Variants in NEMP2 observed in about 807,000 individuals in gnomAD.
The protein encoded by NEMP2 is nuclear envelope integral membrane protein 2.
NEMP2 carries 53 observed loss-of-function variants against 54.2 expected under a neutral mutation model. The observed-to-expected ratio is 0.98, with a 90% CI of 0.78 to 1.23. The LOEUF (loss-of-function observed/expected upper bound fraction) is 1.23, where lower values mean the gene tolerates loss of function less well. Ranked by LOEUF, NEMP2 falls within the 50% of genes most tolerant of loss-of-function variation. NEMP2 has a pLI of 0.00. For synonymous variants in NEMP2, 197 were observed against 190.3 expected, an observed-to-expected ratio of 1.04 and a Z score of -0.29; for missense variants, 455 against 511.3, an observed-to-expected ratio of 0.89 and a Z score of 1.06.
In NEMP2 at chr2:190,512,825, G is replaced by T. The variant is rs1384948770; in HGVS notation, c.953+1628C>A. ...CAGTCAGCATCAACCCTCCAACCCTGCCCTGCTGCCTTTCAGCCCCGCCAG... is the reference window on the plus strand; with the variant it reads ...CAGTCAGCATCAACCCTCCAACCCTTCCCTGCTGCCTTTCAGCCCCGCCAG... On this transcript the variant is annotated intron_variant, in intron 7 of 8. Coordinates refer to ENST00000409150, the MANE Select transcript of NEMP2 (RefSeq NM_001142645.2). The surrounding 1 kb of genome is among the most constrained non-coding windows in gnomAD (Gnocchi z 4.5). Among the ~76,000 whole-genome samples, 1 of 152,182 alleles carries T rather than the reference G, an allele frequency of 6.6e-6. No homozygotes were observed. Among genetic ancestry groups the T allele is most frequent in the Non-Finnish European group, 1.5e-5 (1 of 68,040 alleles).
chr2:190,620,553 AT>A, the NEMP2 span: 1 of 152,352 alleles, frequency 6.6e-6, no homozygotes, highest in Admixed American at 6.5e-5. This position sits in a 1 kb window ranked among gnomAD's most constrained non-coding sequence, Gnocchi z 4.9. Context: ...TTCAGATCTC[AT>A]TTGTTTTAAC....
At chr2:190,457,837 C>T in the NEMP2 span, among the ~76,000 whole-genome samples, 1 of 152,162 alleles carries the variant, frequency 6.6e-6, no homozygotes, top group East Asian at 1.9e-4. This position sits in a 1 kb window ranked among gnomAD's most constrained non-coding sequence, Gnocchi z 5.1. Flanking sequence ...CCTTGGCCAG[C>T]GTGCAGCATA....
the NEMP2 span, among the ~76,000 whole-genome samples, chr2:190,639,067 C>T: frequency 6.6e-6 from 1 of 152,154 alleles, no homozygotes; most frequent in African/African-American, 2.4e-5. Context: ...TAAAGAGATA[C>T]ATGCTTGAAT....
chr2:190,467,255 T>C, the NEMP2 span, among the ~76,000 whole-genome samples: 1 of 152,168 alleles, frequency 6.6e-6, no homozygotes, highest in Non-Finnish European at 1.5e-5. The surrounding 1 kb of genome is among the most constrained non-coding windows in gnomAD (Gnocchi z 5.5). Flanking sequence ...GAGATCTTTA[T>C]TGAGATAGGT....
chr2:190,448,219 T>C, the NEMP2 span, among the ~76,000 whole-genome samples: 1 of 152,204 alleles, frequency 6.6e-6, no homozygotes, highest in Non-Finnish European at 1.5e-5. Flanking sequence ...TTCCATTACC[T>C]AGACAACCAC....
At chr2:190,455,934 CTTTTTTTTT>C in the NEMP2 span, among the ~76,000 whole-genome samples, 1 of 65,370 alleles carries the variant, frequency 1.5e-5, no homozygotes, top group Non-Finnish European at 2.5e-5. Flanking sequence ...ATTTACTCTG[CTTTTTTTTT>C]TTTTTTTTTT....
rs370064053 is a variant in NEMP2 at position 190,517,681 on chromosome 2, A to C, written c.519-68T>G. 7 of 1,073,298 alleles carry C rather than the reference A, an allele frequency of 6.5e-6. No homozygotes were observed. In the African/African-American group the frequency reaches 8.0e-5, roughly 12 times the overall value. The allele number at this position is 1,073,298 out of a possible 1,614,324, so 66.5% of individuals were successfully genotyped here. Reference sequence around the variant, plus strand: ...CACTTTGAGTATGAAAAACATGTTTAACCTGGCAACATCAGTCATAAATAA... The same window carrying C: ...CACTTTGAGTATGAAAAACATGTTTCACCTGGCAACATCAGTCATAAATAA... On this transcript the variant is annotated intron_variant, in intron 4 of 8. Coordinates refer to ENST00000409150, the MANE Select transcript of NEMP2 (RefSeq NM_001142645.2).
At chr2:190,602,496 A>G in the NEMP2 span, among the ~76,000 whole-genome samples, 22 of 152,214 alleles carry the variant, frequency 1.4e-4, no homozygotes, top group Non-Finnish European at 2.1e-4. Flanking sequence ...TACCTTCGCA[A>G]TAACATCTAG....
chr2:190,572,872 T>A, the NEMP2 span, among the ~76,000 whole-genome samples: 1 of 135,238 alleles, frequency 7.4e-6, no homozygotes, highest in Non-Finnish European at 1.6e-5. Context: ...TATATATATA[T>A]ATATGTATAT....
the NEMP2 span, among the ~76,000 whole-genome samples, chr2:190,474,255 C>CA: frequency 1.3e-5 from 2 of 151,922 alleles, no homozygotes; most frequent in African/African-American, 4.8e-5. Context: ...AAAAACCCTT[C>CA]AAAAAATCAA....
At chr2:190,437,625 C>T in the NEMP2 span, 5 of 1,506,548 alleles carry the variant, frequency 3.3e-6, no homozygotes, top group Non-Finnish European at 4.5e-6. This position sits in a 1 kb window ranked among gnomAD's most constrained non-coding sequence, Gnocchi z 5.9. Flanking sequence ...TGGTTTATAG[C>T]TCCTTCTACT....
chr2:190,633,701 CAT>C, the NEMP2 span, among the ~76,000 whole-genome samples: 6 of 152,220 alleles, frequency 3.9e-5, no homozygotes, highest in Admixed American at 6.5e-5. Flanking sequence ...TTAAAAAACA[CAT>C]GTGTGTACCT....
At chr2:190,479,147 A>C in the NEMP2 span, among the ~76,000 whole-genome samples, 1 of 152,184 alleles carries the variant, frequency 6.6e-6, no homozygotes, top group East Asian at 1.9e-4. Flanking sequence ...TATAGGAAGG[A>C]GGCTATTCAA....
the NEMP2 span, among the ~76,000 whole-genome samples, chr2:190,592,780 G>C: frequency 0.26 from 40,110 of 152,048 alleles, 5,912 homozygotes; most frequent in African/African-American, 0.38. The surrounding 1 kb of genome is among the most constrained non-coding windows in gnomAD (Gnocchi z 4.4). Flanking sequence ...AATACAGATG[G>C]AGCAATAAAG....
chr2:190,432,870 A>G, the NEMP2 span, among the ~76,000 whole-genome samples: 1 of 137,038 alleles, frequency 7.3e-6, no homozygotes, highest in East Asian at 2.1e-4. Flanking sequence ...TCACTCACTT[A>G]CTCACACATA....
the NEMP2 span, among the ~76,000 whole-genome samples, chr2:190,551,008 G>T: frequency 6.7e-6 from 1 of 149,510 alleles, no homozygotes; most frequent in Non-Finnish European, 1.5e-5. Flanking sequence ...AAGTATTGTT[G>T]TAAAAAATAT....
chr2:190,616,156 G>C, the NEMP2 span, among the ~76,000 whole-genome samples: 7 of 152,238 alleles, frequency 4.6e-5, no homozygotes, highest in Admixed American at 4.6e-4. The surrounding 1 kb of genome is among the most constrained non-coding windows in gnomAD (Gnocchi z 5.1). Flanking sequence ...GAAAGCAGCT[G>C]CTCAAATTCT....
At chr2:190,542,377 G>A in the NEMP2 span, among the ~76,000 whole-genome samples, 4 of 152,024 alleles carry the variant, frequency 2.6e-5, no homozygotes, top group African/African-American at 7.2e-5. This position sits in a 1 kb window ranked among gnomAD's most constrained non-coding sequence, Gnocchi z 4.6. Context: ...ACACCCAGCT[G>A]AGTTTTGTAT....
chr2:190,450,827 A>G, the NEMP2 span, among the ~76,000 whole-genome samples: 3 of 152,140 alleles, frequency 2.0e-5, no homozygotes, highest in Non-Finnish European at 4.4e-5. Flanking sequence ...AAGTTAACAT[A>G]TAGATTGAAG....
Sources: gnomAD v4.1 joint callset for allele counts (sites outside exome capture counted in the v4.1 genomes callset) on GRCh38, gnomAD v4.1.1 for gene constraint, Gnocchi (gnomAD v3.1) non-coding constraint, MANE v1.5 for transcripts, NCBI Gene and HGNC (gene_info 2026-07-23, HGNC 2026-07-21) for gene names.